The following KCNIP4 variants were observed in gnomAD, a reference collection of about 807,000 sequenced individuals.
KCNIP4 encodes potassium voltage-gated channel interacting protein 4, also known as Kv channel-interacting protein 4.
A neutral mutation model predicts 34.0 loss-of-function variants in KCNIP4; 12 were observed. The ratio of observed to expected loss-of-function variants is 0.35; its 90% confidence interval spans 0.23 to 0.57. The LOEUF is 0.57. Among genes scored for constraint, KCNIP4 ranks in the 20% least tolerant of loss-of-function variants. KCNIP4 has a pLI of 0.83. For synonymous variants in KCNIP4, 124 were observed against 102.2 expected (o/e 1.21, Z -1.29); for missense variants, 238 against 311.7 (o/e 0.76, Z 1.78).
rs139786663 is a variant in KCNIP4, at chr4:21,519,140, G to A, written c.61+429431C>T. On this transcript the variant is annotated intron_variant, in intron 1 of 8. Coordinates refer to ENST00000382152, the MANE Select transcript of KCNIP4 (RefSeq NM_025221.6). The stretch of plus-strand genomic sequence containing the variant: ...ACCCCCAGTGTGATGGTATTAGGAG[G>A]TGGGGCCTTTGGGAGGTGATTGAGA... Among the ~76,000 whole-genome samples, 62 of 152,178 alleles carry A rather than the reference G, an allele frequency of 4.1e-4. No individual in the cohort carries two copies. In the Middle Eastern group the frequency reaches 0.01, roughly 25 times the overall value.
At chr4:21,895,189 T>C (rs949459217) in intron 1 of KCNIP4, among the ~76,000 whole-genome samples, 3 of 152,206 alleles carry the variant, frequency 2.0e-5, no homozygotes, top group Non-Finnish European at 4.4e-5. Context: ...TTTTATTTTC[T>C]TCTTTGTTTT....
chr4:20,877,202 T>C (rs567365347), intron 2 of KCNIP4, among the ~76,000 whole-genome samples: 1 of 152,322 alleles, frequency 6.6e-6, no homozygotes, highest in South Asian at 2.1e-4. Flanking sequence ...GCATTTCTTA[T>C]CCAAGGACCA....
intron 3 of KCNIP4, among the ~76,000 whole-genome samples, chr4:20,809,842 C>T (rs941088733): frequency 2.6e-5 from 4 of 152,198 alleles, no homozygotes; most frequent in African/African-American, 9.6e-5. Context: ...CTTATATGAA[C>T]TGCTTGTTCT....
At chr4:21,686,551 A>G (rs1392785020) in intron 1 of KCNIP4, among the ~76,000 whole-genome samples, 4 of 152,218 alleles carry the variant, frequency 2.6e-5, no homozygotes, top group African/African-American at 9.6e-5. Flanking sequence ...ATACAAATAC[A>G]TTGACATTTA....
At chr4:20,846,836 A>G (rs1481801849) in intron 3 of KCNIP4, among the ~76,000 whole-genome samples, 1 of 152,164 alleles carries the variant, frequency 6.6e-6, no homozygotes, top group East Asian at 1.9e-4. Context: ...TCTTGCCTAC[A>G]CAATATAATT....
At chr4:20,922,546 TG>T (rs1440707227) in intron 1 of KCNIP4, among the ~76,000 whole-genome samples, 2 of 95,106 alleles carry the variant, frequency 2.1e-5, no homozygotes, top group African/African-American at 8.3e-5. Context: ...TCTGTCTGTC[TG>T]TCTATCTATC....
At chr4:20,764,332 T>C (rs1755204108) in intron 3 of KCNIP4, among the ~76,000 whole-genome samples, 1 of 152,110 alleles carries the variant, frequency 6.6e-6, no homozygotes, top group Admixed American at 6.5e-5. Flanking sequence ...CTTTAGGAAA[T>C]ATCCTGAACA....
intron 1 of KCNIP4, among the ~76,000 whole-genome samples, chr4:20,972,369 G>A (rs1045606989): frequency 9.9e-5 from 15 of 152,022 alleles, no homozygotes; most frequent in Non-Finnish European, 1.2e-4. Context: ...ATAATAAGAT[G>A]TGAAAGTCAA....
chr4:21,549,353 G>T (rs1738376298), intron 1 of KCNIP4, among the ~76,000 whole-genome samples: 1 of 151,896 alleles, frequency 6.6e-6, no homozygotes, highest in East Asian at 1.9e-4. Flanking sequence ...GGTGGGAGGG[G>T]TTTTGGTCAT....
chr4:21,655,484 TAAC>T (rs1356824479), intron 1 of KCNIP4, among the ~76,000 whole-genome samples: 1 of 152,024 alleles, frequency 6.6e-6, no homozygotes, highest in Admixed American at 6.5e-5. Context: ...AACAAAATAA[TAAC>T]AATAAGAACA....
At chr4:21,715,204 C>T (rs559597476) in intron 1 of KCNIP4, among the ~76,000 whole-genome samples, 1 of 151,472 alleles carries the variant, frequency 6.6e-6, no homozygotes, top group African/African-American at 2.4e-5. Context: ...CCTTATCTTC[C>T]CAAGTACCTG....
intron 1 of KCNIP4, among the ~76,000 whole-genome samples, chr4:21,457,768 T>C (rs558215814): frequency 2.0e-4 from 30 of 152,170 alleles, no homozygotes; most frequent in African/African-American, 6.7e-4. Flanking sequence ...GCCAACCATG[T>C]GATATATAGG....
intron 1 of KCNIP4, among the ~76,000 whole-genome samples, chr4:21,682,549 T>C (rs538150073): frequency 3.3e-5 from 5 of 152,310 alleles, no homozygotes; most frequent in African/African-American, 1.2e-4. Context: ...GAACTTTTCC[T>C]TTGCTGTGAC....
At chr4:20,985,679 C>A (rs1736503154) in intron 1 of KCNIP4, among the ~76,000 whole-genome samples, 1 of 152,110 alleles carries the variant, frequency 6.6e-6, no homozygotes, top group Non-Finnish European at 1.5e-5. Context: ...AATGAGGAGG[C>A]AGGCATGAAG....
chr4:21,221,176 T>C (rs1426881604), intron 1 of KCNIP4, among the ~76,000 whole-genome samples: 2 of 152,184 alleles, frequency 1.3e-5, no homozygotes, highest in Admixed American at 1.3e-4. Context: ...ATCCACTAGA[T>C]TGAATGAAAA....
chr4:21,590,485 G>T (rs1335539790), intron 1 of KCNIP4, among the ~76,000 whole-genome samples: 1 of 151,890 alleles, frequency 6.6e-6, no homozygotes, highest in East Asian at 1.9e-4. Flanking sequence ...AACCAGACAG[G>T]TTGTATATCC....
chr4:21,253,759 A>G (rs1760875983), intron 1 of KCNIP4, among the ~76,000 whole-genome samples: 1 of 152,232 alleles, frequency 6.6e-6, no homozygotes, highest in Admixed American at 6.5e-5. Flanking sequence ...CCACATGTGC[A>G]TGTTAATAGC....
At chr4:20,795,768 G>C (rs907865896) in intron 3 of KCNIP4, among the ~76,000 whole-genome samples, 1 of 152,098 alleles carries the variant, frequency 6.6e-6, no homozygotes, top group Non-Finnish European at 1.5e-5. Flanking sequence ...AGCAATAACA[G>C]ATCTATTGTC....
chr4:21,651,073 T>C (rs760823388), intron 1 of KCNIP4, among the ~76,000 whole-genome samples: 1 of 152,082 alleles, frequency 6.6e-6, no homozygotes, highest in Non-Finnish European at 1.5e-5. Flanking sequence ...CTTGTGTAGA[T>C]CAGGCCCACT....
Sources: allele counts gnomAD v4.1 joint callset (sites outside exome capture counted in the v4.1 genomes callset), GRCh38; gene constraint gnomAD v4.1.1; transcripts MANE v1.5; gene names NCBI Gene and HGNC (gene_info 2026-07-23, HGNC 2026-07-21).